The following KDM4B variants were observed in gnomAD, a reference collection of about 807,000 sequenced individuals.
The protein encoded by KDM4B is lysine demethylase 4B.
In KDM4B, 32 loss-of-function variants were observed where a neutral mutation model predicts 125.2. The observed-to-expected ratio is 0.26, with a 90% CI of 0.19 to 0.34. The LOEUF is 0.34. Ranked by LOEUF, KDM4B falls within the 10% of genes least tolerant of loss-of-function variation. The probability of loss-of-function intolerance (pLI) is 1.00; values close to 1 mark genes in which losing one functional copy is unlikely to be tolerated. For missense variants in KDM4B, 1,190 were observed against 1,577.7 expected (o/e 0.75, Z 4.16); for synonymous variants, 721 against 677.9 (o/e 1.06, Z -0.99).
At chr19:5,136,198 T>G (rs1295430480) in intron 15 of KDM4B, among the ~76,000 whole-genome samples, 2 of 152,188 alleles carry the variant, frequency 1.3e-5, no homozygotes, top group Non-Finnish European at 2.9e-5. Flanking sequence ...CGCCTGTGAT[T>G]TGTGGCTGTG....
intron 2 of KDM4B, among the ~76,000 whole-genome samples, chr19:5,024,086 CT>C (rs1568235441): frequency 1.3e-5 from 2 of 152,154 alleles, no homozygotes; most frequent in Non-Finnish European, 2.9e-5. Flanking sequence ...TCATCAGTTT[CT>C]GCGTGTGGCC....
rs2039760689 is a variant in KDM4B, at chr19:5,142,374, G to A, written c.2551-1593G>A. On this transcript the variant is annotated intron_variant, in intron 18 of 22. Coordinates refer to ENST00000159111, the MANE Select transcript of KDM4B (RefSeq NM_015015.3). This position sits in a 1 kb window ranked among gnomAD's most constrained non-coding sequence, Gnocchi z 5.4. ...TGTGGCCACAGCGCGTGGCGTGACT[G>A]GACCTCGCCTTAGTAGGGGTGGCTC... 6.6e-6 allele frequency among the ~76,000 whole-genome samples: 1 copy of A among 152,194 alleles called. No individual in the cohort carries two copies. Among genetic ancestry groups the A allele is most frequent in the Non-Finnish European group, 1.5e-5 (1 of 68,026 alleles).
At chr19:5,108,084 G>A (rs1011210830) in intron 9 of KDM4B, among the ~76,000 whole-genome samples, 1 of 152,254 alleles carries the variant, frequency 6.6e-6, no homozygotes, top group African/African-American at 2.4e-5. Context: ...GGGCAAGGGG[G>A]CTCAGGCCGT....
At chr19:5,089,511 A>C (rs994284585) in intron 9 of KDM4B, among the ~76,000 whole-genome samples, 1 of 152,146 alleles carries the variant, frequency 6.6e-6, no homozygotes, top group African/African-American at 2.4e-5. Context: ...TGAGCGCGAC[A>C]ACTTTAAGGG....
At chr19:5,003,114 A>G (rs2035444708) in intron 1 of KDM4B, among the ~76,000 whole-genome samples, 1 of 152,100 alleles carries the variant, frequency 6.6e-6, no homozygotes, top group Non-Finnish European at 1.5e-5. Flanking sequence ...ACCGCCGTTC[A>G]TTCTCGCAGA....
chr19:5,120,561 C>A (rs932298581), intron 11 of KDM4B, among the ~76,000 whole-genome samples: 2 of 152,090 alleles, frequency 1.3e-5, no homozygotes, highest in Non-Finnish European at 1.5e-5. Flanking sequence ...TGCGGGGGGC[C>A]GGGAGGCAGT....
chr19:5,048,823 G>A lies in KDM4B; in HGVS notation c.626+1154G>A, dbSNP rs187539333. Among the ~76,000 whole-genome samples the A allele has an allele frequency of 5.1e-4, 78 of 152,318 alleles. 1 individual carries two copies. The East Asian group carries it at 0.014, about 28-fold the overall frequency. ...GTGACCGGGTTTGTGCCTCCATAGG[G>A]ACCGTCTGCCCTGTGCAGAGAGCCC... On this transcript the variant is annotated intron_variant, in intron 6 of 22. Transcript: ENST00000159111.
chr19:5,095,225 G>T (rs1000391894), intron 9 of KDM4B, among the ~76,000 whole-genome samples: 6 of 152,196 alleles, frequency 3.9e-5, no homozygotes, highest in African/African-American at 4.8e-5. Flanking sequence ...CTGGTTCCTG[G>T]ATCAGGGGGC....
chr19:5,063,810 A>T (rs936651229), intron 6 of KDM4B, among the ~76,000 whole-genome samples: 3 of 152,266 alleles, frequency 2.0e-5, no homozygotes, highest in African/African-American at 7.2e-5. Flanking sequence ...AACACGGCGC[A>T]GCACGGTGGC....
chr19:5,117,077 C>T (rs148574110), intron 10 of KDM4B, among the ~76,000 whole-genome samples: 98 of 152,260 alleles, frequency 6.4e-4, no homozygotes, highest in Non-Finnish European at 8.5e-4. Flanking sequence ...CTTGCTGTGT[C>T]TGTGCATTGA....
chr19:5,033,657 C>T (rs1414975904), intron 3 of KDM4B, among the ~76,000 whole-genome samples: 1 of 152,168 alleles, frequency 6.6e-6, no homozygotes, highest in Non-Finnish European at 1.5e-5. Context: ...TCAAACAGGG[C>T]GACAGCGCAG....
chr19:4,999,921 A>C (rs62647699), intron 1 of KDM4B, among the ~76,000 whole-genome samples: 38 of 108,402 alleles, frequency 3.5e-4, no homozygotes, highest in South Asian at 6.1e-4. Context: ...ACCTGTCCAC[A>C]CACCGACCCA....
At chr19:5,150,183 T>C (rs993413506) in intron 21 of KDM4B, among the ~76,000 whole-genome samples, 175 bp from the exon 22 acceptor site, 1 of 152,142 alleles carries the variant, frequency 6.6e-6, no homozygotes, top group Non-Finnish European at 1.5e-5. Context: ...GCCTGATCCT[T>C]GTTTGCTGCA....
At chr19:5,111,987 C>T in intron 10 of KDM4B, 1 of 611,374 alleles carries the variant, frequency 1.6e-6, no homozygotes, top group Non-Finnish European at 3.0e-6. Flanking sequence ...GGCACGATCG[C>T]TCACACCTGT....
rs574607580 is a variant in KDM4B at position 5,141,224 on chromosome 19, G to A, written c.2551-2743G>A. 1 of 152,356 alleles carries A rather than the reference G, an allele frequency of 6.6e-6. No individual in the cohort carries two copies. Among genetic ancestry groups the A allele is most frequent in the East Asian group, 1.9e-4 (1 of 5,174 alleles). 9.4% of individuals were successfully genotyped at this position (152,356 alleles called of 1,614,324 possible). A position where few individuals can be genotyped will look rare whatever the true frequency, so the allele number is the denominator to read the frequency against. On this transcript the variant is annotated intron_variant, in intron 18 of 22. Coordinates refer to ENST00000159111, the MANE Select transcript of KDM4B (RefSeq NM_015015.3). This position sits in a 1 kb window ranked among gnomAD's most constrained non-coding sequence, Gnocchi z 6.4. ...TCTGGAAGGGGAGCCCTCTTTCCTT[G>A]TTCGTGGAGTGGAGTGTGCAGTGGG...
chr19:5,129,764 CT>C (rs1413211527), intron 11 of KDM4B, among the ~76,000 whole-genome samples: 1 of 152,224 alleles, frequency 6.6e-6, no homozygotes, highest in Non-Finnish European at 1.5e-5. Context: ...GCCTGAGCCC[CT>C]GTCCCCCTCC....
intron 10 of KDM4B, chr19:5,111,936 T>C (rs762384943): frequency 5.1e-5 from 35 of 688,052 alleles, no homozygotes; most frequent in Non-Finnish European, 8.0e-5. Flanking sequence ...AATACGATAA[T>C]TTTTCTGTTT....
chr19:5,067,172 G>C (rs1380261682), intron 6 of KDM4B, among the ~76,000 whole-genome samples: 1 of 152,176 alleles, frequency 6.6e-6, no homozygotes, highest in African/African-American at 2.4e-5. Flanking sequence ...CAGGGCACCT[G>C]CTCCGTGCTC....
Position 5,082,635 on chromosome 19 carries a change from G to A in KDM4B, c.918+131G>A. On this transcript the variant is annotated intron_variant, in intron 9 of 22. Coordinates refer to ENST00000159111, the MANE Select transcript of KDM4B (RefSeq NM_015015.3). This position sits in a 1 kb window ranked among gnomAD's most constrained non-coding sequence, Gnocchi z 5.4. Reference sequence around the variant, plus strand: ...CCCAGGGCCTGGGCTCTCAACCAGGGTCTGATTCTGGGCTCCTCAGAGAGC... The same window carrying A: ...CCCAGGGCCTGGGCTCTCAACCAGGATCTGATTCTGGGCTCCTCAGAGAGC... 1 of 1,002,286 alleles carries A rather than the reference G, an allele frequency of 1.0e-6. No homozygotes were observed. The highest frequency in any genetic ancestry group is 1.4e-6 in the Non-Finnish European group (1 of 708,150). 62.1% of individuals were successfully genotyped at this position (1,002,286 alleles called of 1,614,324 possible).
Sources: allele counts gnomAD v4.1 joint callset (sites outside exome capture counted in the v4.1 genomes callset), GRCh38; gene constraint gnomAD v4.1.1; non-coding constraint Gnocchi (gnomAD v3.1); transcripts MANE v1.5; gene names NCBI Gene and HGNC (gene_info 2026-07-23, HGNC 2026-07-21).